The following DYNC2H1 variants were observed in gnomAD, a reference collection of about 807,000 sequenced individuals.
DYNC2H1 encodes dynein cytoplasmic 2 heavy chain 1.
Under a neutral mutation model 570.0 loss-of-function variants are expected in DYNC2H1, and 410 were observed. The ratio of observed to expected loss-of-function variants is 0.72; its 90% confidence interval spans 0.66 to 0.78. The LOEUF (loss-of-function observed/expected upper bound fraction) is 0.78, where lower values mean the gene tolerates loss of function less well. Among genes scored for constraint, DYNC2H1 ranks in the 30% least tolerant of loss-of-function variants. The pLI is 0.00. For missense variants in DYNC2H1, 4,865 were observed against 5,046.4 expected, an observed-to-expected ratio of 0.96 and a Z score of 1.09; for synonymous variants, 1,688 against 1,677.6, an observed-to-expected ratio of 1.01 and a Z score of -0.15.
Position 103,177,539 on chromosome 11 carries a change from T to C in DYNC2H1, c.5875-17T>C, listed in dbSNP as rs1861876233. 1 of 1,591,654 alleles carries C rather than the reference T, an allele frequency of 6.3e-7. No homozygotes were observed. The highest frequency in any genetic ancestry group is 1.2e-5 in the South Asian group (1 of 85,872). ...GAATATTATAAATCATATATGAACATATTTCTTTCCTACTAGATCAAAAAG... is the reference window on the plus strand; with the variant it reads ...GAATATTATAAATCATATATGAACACATTTCTTTCCTACTAGATCAAAAAG... On this transcript the variant is annotated splice_polypyrimidine_tract_variant and intron_variant, in intron 37 of 88. Transcript: ENST00000375735. The surrounding 1 kb of genome is among the most constrained non-coding windows in gnomAD (Gnocchi z 4.4).
chr11:103,456,505 A>G (rs1369417597), intron 87 of DYNC2H1, 149 bp downstream of exon 87: 1 of 529,908 alleles, frequency 1.9e-6, no homozygotes. Flanking sequence ...TCAAAATAAG[A>G]TTTGGCATGA....
At chr11:103,123,382 T>C (rs1432375218) in intron 11 of DYNC2H1, among the ~76,000 whole-genome samples, 1 of 152,194 alleles carries the variant, frequency 6.6e-6, no homozygotes, top group African/African-American at 2.4e-5. Context: ...TTAAACTCCT[T>C]GAGACAGAGT....
intron 82 of DYNC2H1, among the ~76,000 whole-genome samples, chr11:103,342,331 C>T (rs865987212): frequency 6.6e-6 from 1 of 152,056 alleles, no homozygotes. Context: ...GACCAATCAG[C>T]ACTCTGTAAA....
chr11:103,224,304 A>G lies in DYNC2H1; in HGVS notation c.9353+1218A>G, dbSNP rs113723888. Among the ~76,000 whole-genome samples, 604 of 152,158 alleles carry G rather than the reference A, an allele frequency of 4.0e-3. 3 individuals carry two copies. The highest frequency in any genetic ancestry group is 0.014 in the African/African-American group (579 of 41,518). On this transcript the variant is annotated intron_variant, in intron 59 of 88. Transcript: ENST00000375735. Reference sequence around the variant, plus strand: ...TGGGGAACAAGTGGTGTTTGGTTACATGAATGAAATCTTTAGTGGTGATTT... The same window carrying G: ...TGGGGAACAAGTGGTGTTTGGTTACGTGAATGAAATCTTTAGTGGTGATTT...
At position 103,162,985 on chromosome 11, in the gene DYNC2H1, T is replaced by A. The variant is rs1039399890; in HGVS notation, c.4492-43T>A. 3 of 1,544,782 alleles carry A rather than the reference T, an allele frequency of 1.9e-6. No individual in the cohort carries two copies. In the African/African-American group the frequency reaches 4.1e-5, roughly 21 times the overall value. On this transcript the variant is annotated intron_variant, in intron 29 of 88. Coordinates refer to ENST00000375735, the MANE Select transcript of DYNC2H1 (RefSeq NM_001377.3). ...GTCTTATATATATTATTTTCCAGTT[T>A]ATTTTATGTCTTGTTTATATTATTT... is the stretch of plus-strand genomic sequence containing the variant.
chr11:103,114,293 A>G, intron 3 of DYNC2H1, 55 bp downstream of exon 3: 2 of 1,438,402 alleles, frequency 1.4e-6, no homozygotes, highest in South Asian at 3.0e-5. Flanking sequence ...TCATTAATAC[A>G]TTAGTAAATG....
chr11:103,158,878 AG>A, intron 27 of DYNC2H1, 31 bp from the exon 28 acceptor site: 2 of 1,543,020 alleles, frequency 1.3e-6, no homozygotes, highest in Non-Finnish European at 1.8e-6. Flanking sequence ...TCTGAAAAAA[AG>A]AAAGCTATTT....
rs908162483 is a variant in DYNC2H1, at chr11:103,326,396, G to A, written c.12039+2406G>A. 3.3e-5 allele frequency among the ~76,000 whole-genome samples: 5 copies of A among 152,130 alleles called. No individual in the cohort carries two copies. Among genetic ancestry groups the A allele is most frequent in the African/African-American group, 1.2e-4 (5 of 41,432 alleles). ...CATCCGGGAGATAGGCCGGCCATAC[G>A]CTTTCTGGGCCAGCCCTGTGGAGGG... is the stretch of plus-strand genomic sequence containing the variant. On this transcript the variant is annotated intron_variant, in intron 82 of 88. Coordinates refer to ENST00000375735, the MANE Select transcript of DYNC2H1 (RefSeq NM_001377.3). This position sits in a 1 kb window ranked among gnomAD's most constrained non-coding sequence, Gnocchi z 6.1.
chr11:103,256,292 G>T lies in DYNC2H1; in HGVS notation c.10461+52G>T. ...GTATTATGTTTTCTTGAACATTTAG[G>T]TTAATATGATAGAAAATGTAGAATC... On this transcript the variant is annotated intron_variant, in intron 68 of 88. Coordinates refer to ENST00000375735, the MANE Select transcript of DYNC2H1 (RefSeq NM_001377.3). The surrounding 1 kb of genome is among the most constrained non-coding windows in gnomAD (Gnocchi z 4.0). 1.3e-6 allele frequency: 2 copies of T among 1,506,388 alleles called. No homozygotes were observed. The highest frequency in any genetic ancestry group is 1.8e-6 in the Non-Finnish European group (2 of 1,118,026). 93.3% of individuals were successfully genotyped at this position (1,506,388 alleles called of 1,614,324 possible).
intron 75 of DYNC2H1, among the ~76,000 whole-genome samples, chr11:103,291,350 A>C (rs187702771): frequency 1.3e-5 from 2 of 152,136 alleles, no homozygotes; most frequent in Non-Finnish European, 2.9e-5. Flanking sequence ...AGGTGGGACA[A>C]TTGCTTGACC....
intron 87 of DYNC2H1, among the ~76,000 whole-genome samples, chr11:103,466,087 C>T (rs1591799664): frequency 6.7e-6 from 1 of 150,300 alleles, no homozygotes; most frequent in East Asian, 2.0e-4. Context: ...GTTTAGGGAA[C>T]GACAGACTAA....
chr11:103,437,758 ACT>A (rs747975015), intron 85 of DYNC2H1, among the ~76,000 whole-genome samples: 12 of 152,098 alleles, frequency 7.9e-5, no homozygotes, highest in Non-Finnish European at 1.5e-4. Flanking sequence ...ACTTTTCAGT[ACT>A]GTTTCCTTTA....
At chr11:103,304,855 A>G (rs1157850038) in intron 77 of DYNC2H1, 135 bp downstream of exon 77, 8 of 999,388 alleles carry the variant, frequency 8.0e-6, no homozygotes, top group Non-Finnish European at 1.1e-5. Context: ...AAATTTAAAT[A>G]TTTCATAAAT....
At chr11:103,431,603 T>A (rs755367476) in intron 84 of DYNC2H1, among the ~76,000 whole-genome samples, 8 of 152,178 alleles carry the variant, frequency 5.3e-5, no homozygotes, top group Non-Finnish European at 1.2e-4. Flanking sequence ...AAAGACATCT[T>A]TATTAATCAA....
At chr11:103,146,722 C>T (rs1240223770) in intron 18 of DYNC2H1, among the ~76,000 whole-genome samples, 1 of 152,080 alleles carries the variant, frequency 6.6e-6, no homozygotes, top group Non-Finnish European at 1.5e-5. Flanking sequence ...CCTACCTCAG[C>T]CTCCTGAGTA....
intron 39 of DYNC2H1, among the ~76,000 whole-genome samples, chr11:103,180,794 G>A (rs1861818897): frequency 6.6e-6 from 1 of 151,254 alleles, no homozygotes; most frequent in South Asian, 2.1e-4. Context: ...TTATTCTGAA[G>A]GAGCTTAGCA....
intron 17 of DYNC2H1, among the ~76,000 whole-genome samples, chr11:103,136,603 AT>A (rs1454210129): frequency 5.3e-5 from 8 of 152,028 alleles, no homozygotes; most frequent in Non-Finnish European, 8.8e-5. Context: ...TATGTGCCAC[AT>A]TTTCTTAATC....
intron 87 of DYNC2H1, among the ~76,000 whole-genome samples, chr11:103,467,953 C>T (rs907632915): frequency 3.3e-5 from 5 of 152,168 alleles, no homozygotes; most frequent in Non-Finnish European, 5.9e-5. Flanking sequence ...ACTGACTCTA[C>T]ATTTGTTACC....
intron 4 of DYNC2H1, among the ~76,000 whole-genome samples, chr11:103,115,729 T>C (rs559284198): frequency 6.6e-6 from 1 of 152,174 alleles, no homozygotes; most frequent in East Asian, 1.9e-4. Context: ...GAGGTTGCAG[T>C]GAGCGGAGAT....
Sources: allele counts gnomAD v4.1 joint callset (sites outside exome capture counted in the v4.1 genomes callset), GRCh38; gene constraint gnomAD v4.1.1; non-coding constraint Gnocchi (gnomAD v3.1); transcripts MANE v1.5; gene names NCBI Gene and HGNC (gene_info 2026-07-23, HGNC 2026-07-21).